Variants in PIK3C2A observed in about 807,000 individuals in gnomAD.
The protein encoded by PIK3C2A is phosphatidylinositol-4-phosphate 3-kinase catalytic subunit type 2 alpha, also known as phosphatidylinositol 4-phosphate 3-kinase C2 domain-containing subunit alpha.
A neutral mutation model predicts 204.5 loss-of-function variants in PIK3C2A; 97 were observed. The observed-to-expected ratio is 0.47, with a 90% CI of 0.40 to 0.56. PIK3C2A has a LOEUF of 0.56. Ranked by LOEUF, PIK3C2A falls within the 20% of genes least tolerant of loss-of-function variation. The pLI, the probability that PIK3C2A is intolerant of heterozygous loss-of-function variation, is 0.00. For synonymous variants in PIK3C2A, 653 were observed against 664.4 expected (o/e 0.98, Z 0.26); for missense variants, 1,735 against 1,969.2 (o/e 0.88, Z 2.25).
At chr11:17,136,332 C>G (rs148754901) in intron 9 of PIK3C2A, 150 bp downstream of exon 9, 8 of 634,288 alleles carry the variant, frequency 1.3e-5, no homozygotes, top group Non-Finnish European at 1.9e-5. Context: ...AACTTCTTAC[C>G]AAGGAATCCC....
At chr11:17,092,577 C>T (rs1851647083) in intron 28 of PIK3C2A, among the ~76,000 whole-genome samples, 1 of 152,172 alleles carries the variant, frequency 6.6e-6, no homozygotes, top group African/African-American at 2.4e-5. Context: ...AAGGCTGAGG[C>T]AGAAAAATCA....
chr11:17,102,457 AAACAACAAC>A (rs377633344), intron 24 of PIK3C2A, among the ~76,000 whole-genome samples, 196 bp downstream of exon 24: 1 of 152,062 alleles, frequency 6.6e-6, no homozygotes, highest in Non-Finnish European at 1.5e-5. Flanking sequence ...CAAAAGAACA[AAACAACAAC>A]AACAACAACA....
chr11:17,186,891 C>A (rs1240364405), intron 1 of PIK3C2A, among the ~76,000 whole-genome samples: 1 of 152,168 alleles, frequency 6.6e-6, no homozygotes. Context: ...CCAGCCTGGA[C>A]AACACACTAA....
At chr11:17,108,064 G>A (rs921280199) in intron 22 of PIK3C2A, among the ~76,000 whole-genome samples, 3 of 152,112 alleles carry the variant, frequency 2.0e-5, no homozygotes, top group Admixed American at 2.0e-4. Flanking sequence ...TAGAGGTGGG[G>A]TTTCACCATA....
chr11:17,206,287 A>G (rs745522050), intron 1 of PIK3C2A, among the ~76,000 whole-genome samples: 5 of 152,220 alleles, frequency 3.3e-5, no homozygotes, highest in South Asian at 2.1e-4. Context: ...AAGAAACTCC[A>G]TATGTGCTTT....
In PIK3C2A at chr11:17,097,178, G is replaced by T; in HGVS notation, c.4205C>A (p.Pro1402His). The T allele has an allele frequency of 1.2e-6, 2 of 1,612,928 alleles. No individual in the cohort carries two copies. Among genetic ancestry groups the T allele is most frequent in the Non-Finnish European group, 1.7e-6 (2 of 1,179,010 alleles). The change falls in exon 27 of 33, where the codon CCT (proline) becomes CAT (histidine). Residue 1402 changes from proline to histidine, a missense_variant. By Grantham distance (77) the Pro-to-His change is moderately conservative (BLOSUM62 -2). Coordinates refer to ENST00000691414, the MANE Select transcript of PIK3C2A (RefSeq NM_002645.4). ...TGAAAGGATGGGCTCATCATTAGAA[G>T]GAAGACCAGAAAAACGAAGCTGAGC... ...NLAQLRFSGL[P>H]SNDEPILSFS...
At chr11:17,151,751 C>T (rs1850433547) in intron 3 of PIK3C2A, among the ~76,000 whole-genome samples, 1 of 152,084 alleles carries the variant, frequency 6.6e-6, no homozygotes, top group Non-Finnish European at 1.5e-5. Flanking sequence ...GTGCCTAGTA[C>T]ACAGTAAGTG....
Position 17,168,886 on chromosome 11 carries a change from C to G in PIK3C2A, c.856G>C (p.Val286Leu), listed in dbSNP as rs1851062387. The G allele has an allele frequency of 6.2e-7, 1 of 1,614,016 alleles. No homozygotes were observed. The highest frequency in any genetic ancestry group is 8.5e-7 in the Non-Finnish European group (1 of 1,180,002). ...LSKPKVDNVE[V>L]LDHEEEKNVS... Reference sequence around the variant, plus strand: ...TTTTTCTCTTCCTCATGGTCTAATACCTCCACATTATCCACCTTAGGCTTA... The same window carrying G: ...TTTTTCTCTTCCTCATGGTCTAATAGCTCCACATTATCCACCTTAGGCTTA... Residue 286 changes from valine (V) to leucine (L), a missense_variant, in exon 2 of 33, where the codon GTA becomes CTA. This residue lies in a region of PIK3C2A where 536 missense variants were observed against 546.7 expected (regional missense o/e 0.98). Coordinates refer to ENST00000691414, the MANE Select transcript of PIK3C2A (RefSeq NM_002645.4).
chr11:17,185,629 T>C (rs1263919926), intron 1 of PIK3C2A, among the ~76,000 whole-genome samples: 1 of 152,226 alleles, frequency 6.6e-6, no homozygotes. Flanking sequence ...ATTTACTTAT[T>C]TCTATTATAT....
At chr11:17,156,211 T>G (rs1015090418) in intron 2 of PIK3C2A, among the ~76,000 whole-genome samples, 2 of 152,034 alleles carry the variant, frequency 1.3e-5, no homozygotes, top group African/African-American at 4.8e-5. Context: ...AACAGCAGAG[T>G]CCATTGAGAG....
At chr11:17,148,045 T>C (rs1389300719) in intron 5 of PIK3C2A, among the ~76,000 whole-genome samples, 2 of 151,816 alleles carry the variant, frequency 1.3e-5, no homozygotes, top group Non-Finnish European at 2.9e-5. Context: ...GGCTGTATTG[T>C]GTAAAAATAC....
chr11:17,152,716 T>C (rs1850461226), intron 3 of PIK3C2A, among the ~76,000 whole-genome samples: 1 of 152,146 alleles, frequency 6.6e-6, no homozygotes, highest in South Asian at 2.1e-4. Flanking sequence ...GGAAATTCAG[T>C]ATCTCTATGC....
intron 2 of PIK3C2A, among the ~76,000 whole-genome samples, chr11:17,166,671 G>A (rs141149264): frequency 1.4e-4 from 22 of 152,270 alleles, no homozygotes; most frequent in Admixed American, 3.9e-4. Context: ...TACAAGACAA[G>A]GGGCTTCCTT....
chr11:17,162,857 GTCTCTT>G (rs1340865589), intron 2 of PIK3C2A, among the ~76,000 whole-genome samples: 9 of 152,294 alleles, frequency 5.9e-5, no homozygotes, highest in East Asian at 5.8e-4. Context: ...ATCATGAAAT[GTCTCTT>G]TCTAAGTTCC....
intron 11 of PIK3C2A, among the ~76,000 whole-genome samples, 192 bp from the exon 12 acceptor site, chr11:17,132,230 TA>T (rs1260971388): frequency 1.3e-5 from 2 of 151,728 alleles, no homozygotes; most frequent in Non-Finnish European, 2.9e-5. Context: ...AGAGGTTTGG[TA>T]AAGGGGATAA....
chr11:17,102,659 T>C lies in PIK3C2A; in HGVS notation c.3851+3A>G, dbSNP rs775122676. The C allele has an allele frequency of 1.4e-5, 23 of 1,605,040 alleles. No homozygotes were observed. The highest frequency in any genetic ancestry group is 3.4e-5 in the South Asian group (3 of 89,046). On this transcript the variant is annotated splice_donor_region_variant and intron_variant, in intron 24 of 32. Coordinates refer to ENST00000691414, the MANE Select transcript of PIK3C2A (RefSeq NM_002645.4). ...TTCTTTGGCAACAGCAATAACATTA[T>C]ACCTTTTGAAGCTGCCAAACATCTG...
intron 32 of PIK3C2A, among the ~76,000 whole-genome samples, chr11:17,090,745 T>TC (rs1445873851): frequency 6.6e-6 from 1 of 151,814 alleles, no homozygotes; most frequent in East Asian, 1.9e-4. Flanking sequence ...ACTTAAAATT[T>TC]TTTTTTTTTT....
At chr11:17,201,715 T>C (rs1454549420) in intron 1 of PIK3C2A, among the ~76,000 whole-genome samples, 4 of 152,132 alleles carry the variant, frequency 2.6e-5, no homozygotes, top group Non-Finnish European at 5.9e-5. Context: ...TACTCAAAAA[T>C]CTTGTCTAAT....
At chr11:17,158,128 T>C (rs1259531081) in intron 2 of PIK3C2A, among the ~76,000 whole-genome samples, 1 of 152,086 alleles carries the variant, frequency 6.6e-6, no homozygotes, top group Admixed American at 6.5e-5. Context: ...GGCAGGCAAA[T>C]CACCTGAGGT....
Sources: gnomAD v4.1 joint callset for allele counts (sites outside exome capture counted in the v4.1 genomes callset) on GRCh38, gnomAD v4.1.1 for gene constraint, gnomAD v4.1.1 regional missense constraint, MANE v1.5 for transcripts, NCBI Gene and HGNC (gene_info 2026-07-23, HGNC 2026-07-21) for gene names.